C3orf52: variants seen among roughly 807,000 people sequenced by gnomAD.
C3orf52 encodes chromosome 3 open reading frame 52.
A neutral mutation model predicts 24.8 loss-of-function variants in C3orf52; 22 were observed. The ratio of observed to expected loss-of-function variants is 0.89; its 90% confidence interval spans 0.63 to 1.27. C3orf52 has a LOEUF of 1.27. Among genes scored for constraint, C3orf52 ranks in the 50% most tolerant of loss-of-function variants. The pLI is 0.00. For missense variants in C3orf52, 265 were observed against 260.7 expected (o/e 1.02, Z -0.11); for synonymous variants, 93 against 100.2 (o/e 0.93, Z 0.43).
chr3:112,088,162 T>A (rs920631220), intron 1 of C3orf52, among the ~76,000 whole-genome samples: 1 of 152,190 alleles, frequency 6.6e-6, no homozygotes, highest in African/African-American at 2.4e-5. Context: ...CTGTCCTCAG[T>A]AACAGGATGG....
At chr3:112,091,613 G>A (rs896908464) in intron 1 of C3orf52, among the ~76,000 whole-genome samples, 2 of 152,190 alleles carry the variant, frequency 1.3e-5, no homozygotes, top group African/African-American at 2.4e-5. Flanking sequence ...TGATTCTGAT[G>A]TGCAGCCAGG....
intron 4 of C3orf52, among the ~76,000 whole-genome samples, chr3:112,110,109 C>A: frequency 6.6e-6 from 1 of 152,136 alleles, no homozygotes; most frequent in Middle Eastern, 3.2e-3. Context: ...GCGGGCAGAT[C>A]ACTTGAGGTC....
At chr3:112,120,040 G>A (rs1427946034), downstream of C3orf52, among the ~76,000 whole-genome samples, 1 of 152,194 alleles carries the variant, frequency 6.6e-6, no homozygotes, top group Non-Finnish European at 1.5e-5. Context: ...AGGGGTCAGG[G>A]GTGAATGGAG....
At chr3:112,133,174 C>T (rs2074500103), downstream of C3orf52, 1 of 1,600,960 alleles carries the variant, frequency 6.2e-7, no homozygotes, top group South Asian at 1.1e-5. Context: ...TCCTTCTTGC[C>T]TTGTGCTCTG....
Position 112,109,555 on chromosome 3 carries a change from T to C in C3orf52, c.409T>C (p.Tyr137His), listed in dbSNP as rs142875002. 5.6e-6 allele frequency: 9 copies of C among 1,598,232 alleles called. No homozygotes were observed. The East Asian group carries it at 2.0e-4, about 36-fold the overall frequency. Residue 137 changes from tyrosine (Y) to histidine (H), a missense_variant, in exon 4 of 6, where the codon TAC (tyrosine) becomes CAC (histidine). Physicochemically the swap from Tyr to His is moderately conservative, Grantham distance 83. Coordinates refer to ENST00000264848, the MANE Select transcript of C3orf52 (RefSeq NM_024616.3). ...TCTGTTTGTTTAGCTCACAGATGTGTACAGTACATCGCCCTCTCTGGGTCG... is the reference window on the plus strand; with the variant it reads ...TCTGTTTGTTTAGCTCACAGATGTGCACAGTACATCGCCCTCTCTGGGTCG... ...HLLTERLTDVYSTSPSLGRYF... is the reference protein window; with the variant it reads ...HLLTERLTDVHSTSPSLGRYF...
chr3:112,105,618 C>A (rs2074016501), intron 3 of C3orf52, among the ~76,000 whole-genome samples: 1 of 150,818 alleles, frequency 6.6e-6, no homozygotes, highest in Non-Finnish European at 1.5e-5. Flanking sequence ...GTCTTGCAAT[C>A]CAGTTCAATT....
chr3:112,111,015 C>T (rs540231025), intron 4 of C3orf52, among the ~76,000 whole-genome samples: 1 of 152,312 alleles, frequency 6.6e-6, no homozygotes, highest in African/African-American at 2.4e-5. Flanking sequence ...TTGAGACCAT[C>T]CTGGCCAACA....
At chr3:112,115,346 C>T (rs2074125169) in intron 5 of C3orf52, among the ~76,000 whole-genome samples, 1 of 152,034 alleles carries the variant, frequency 6.6e-6, no homozygotes, top group African/African-American at 2.4e-5. Context: ...GAAAATGTGT[C>T]AGGGAGAGGC....
chr3:112,124,982 G>A (rs1047067543), intron 4 of C3orf52, among the ~76,000 whole-genome samples: 1 of 152,216 alleles, frequency 6.6e-6, no homozygotes, highest in Non-Finnish European at 1.5e-5. Flanking sequence ...CACTCAGCAT[G>A]TTGTCTGTCA....
chr3:112,130,307 G>A, downstream of C3orf52: 1 of 735,242 alleles, frequency 1.4e-6, no homozygotes, highest in Non-Finnish European at 2.4e-6. Flanking sequence ...CTTTTGTCCT[G>A]TCTTCACATT....
chr3:112,123,587 A>G, intron 4 of C3orf52: 1 of 1,614,090 alleles, frequency 6.2e-7, no homozygotes, highest in East Asian at 2.2e-5. Flanking sequence ...TGGGGTCTGT[A>G]GAAGGCATAT....
At chr3:112,123,782 AAAG>A (rs768046534) in intron 4 of C3orf52, 3 of 1,602,838 alleles carry the variant, frequency 1.9e-6, no homozygotes, top group African/African-American at 1.3e-5. Flanking sequence ...CCTGCTTGTC[AAAG>A]AAGAACCATC....
In C3orf52 at chr3:112,117,060, A is replaced by G. The variant is rs544250784; in HGVS notation, c.*414A>G. ...TTGAAGCACTCCACCCACCTGGGCT[A>G]CTTTTTCTTTAGTGCAGAGGTGCAC... On this transcript the variant is annotated 3_prime_UTR_variant, in exon 6 of 6. Transcript: ENST00000264848. The G allele has an allele frequency of 5.0e-6, 4 of 802,704 alleles. No homozygotes were observed. The highest frequency in any genetic ancestry group is 7.7e-6 in the Non-Finnish European group (4 of 516,846). 49.7% of individuals were successfully genotyped at this position (802,704 alleles called of 1,614,324 possible). A position where few individuals can be genotyped will look rare whatever the true frequency, so the allele number is the denominator to read the frequency against.
chr3:112,087,309 T>C (rs2073838860), intron 1 of C3orf52, among the ~76,000 whole-genome samples: 1 of 152,218 alleles, frequency 6.6e-6, no homozygotes, highest in Admixed American at 6.5e-5. Flanking sequence ...TCCCTGGCTA[T>C]TTTTAGGCCA....
intron 3 of C3orf52, among the ~76,000 whole-genome samples, chr3:112,107,094 T>G (rs957291403): frequency 6.6e-6 from 1 of 151,988 alleles, no homozygotes; most frequent in African/African-American, 2.4e-5. Flanking sequence ...AATCTTCGAG[T>G]GAACACTAAA....
At chr3:112,108,342 G>A (rs1576145545) in intron 3 of C3orf52, among the ~76,000 whole-genome samples, 1 of 152,126 alleles carries the variant, frequency 6.6e-6, no homozygotes, top group East Asian at 1.9e-4. Context: ...TTTAAGTTTG[G>A]TAACACTAAG....
intron 3 of C3orf52, 95 bp from the exon 4 acceptor site, chr3:112,109,448 T>C: frequency 1.6e-6 from 1 of 609,716 alleles, no homozygotes; most frequent in Non-Finnish European, 2.9e-6. Flanking sequence ...TGGAGTGGAA[T>C]CTCCTCTGCC....
intron 3 of C3orf52, among the ~76,000 whole-genome samples, chr3:112,108,293 A>G (rs1391832313): frequency 6.6e-6 from 1 of 152,226 alleles, no homozygotes; most frequent in East Asian, 1.9e-4. Context: ...AATTAAAACA[A>G]TGTGAAGCAC....
intron 5 of C3orf52, 128 bp downstream of exon 5, chr3:112,113,273 A>C (rs340165): frequency 1.5e-6 from 1 of 671,904 alleles, no homozygotes; most frequent in Non-Finnish European, 2.5e-6. Context: ...TCATTTATTC[A>C]CTCATCCCCT....
Sources: allele counts gnomAD v4.1 joint callset (sites outside exome capture counted in the v4.1 genomes callset), GRCh38; gene constraint gnomAD v4.1.1; transcripts MANE v1.5; gene names NCBI Gene and HGNC (gene_info 2026-07-23, HGNC 2026-07-21).